LDLRAD4: variants seen among roughly 807,000 people sequenced by gnomAD.
LDLRAD4 encodes the protein low density lipoprotein receptor class A domain containing 4, also known as low-density lipoprotein receptor class A domain-containing protein 4.
LDLRAD4 carries 5 observed loss-of-function variants against 17.0 expected under a neutral mutation model. That is an observed-to-expected ratio of 0.29 (90% CI 0.15 to 0.62). The LOEUF is 0.62. Ranked by LOEUF, LDLRAD4 falls within the 20% of genes least tolerant of loss-of-function variation. The pLI is 0.84. For missense variants in LDLRAD4, 340 were observed against 424.7 expected (o/e 0.80, Z 1.75); for synonymous variants, 168 against 171.8 (o/e 0.98, Z 0.17).
chr18:13,330,065 C>T (rs1330047789), intron 1 of LDLRAD4, among the ~76,000 whole-genome samples: 1 of 152,060 alleles, frequency 6.6e-6, no homozygotes, highest in African/African-American at 2.4e-5. Flanking sequence ...ACGCCATTCT[C>T]CTGCCTCAGC....
intron 2 of LDLRAD4, among the ~76,000 whole-genome samples, chr18:13,418,805 C>G (rs185450010): frequency 9.0e-4 from 137 of 152,254 alleles, no homozygotes; most frequent in African/African-American, 3.1e-3. Context: ...AAGCATTGCT[C>G]CAGAGAATAG....
intron 3 of LDLRAD4, among the ~76,000 whole-genome samples, chr18:13,551,392 T>C (rs535325400): frequency 6.6e-6 from 1 of 152,310 alleles, no homozygotes; most frequent in South Asian, 2.1e-4. Context: ...ATTTGGCCCA[T>C]GCTTGTGGGC....
chr18:13,460,369 T>C (rs534014471), intron 3 of LDLRAD4, among the ~76,000 whole-genome samples: 5 of 152,278 alleles, frequency 3.3e-5, no homozygotes, highest in African/African-American at 1.2e-4. Flanking sequence ...ATTTTTGTGT[T>C]TTTTGTAGAG....
intron 2 of LDLRAD4, among the ~76,000 whole-genome samples, chr18:13,432,794 G>A (rs2090427417): frequency 6.6e-6 from 1 of 152,172 alleles, no homozygotes; most frequent in South Asian, 2.1e-4. Flanking sequence ...TCGGCTCACT[G>A]CAGCCTCAAA....
chr18:13,355,518 G>A (rs1301309085), intron 1 of LDLRAD4, among the ~76,000 whole-genome samples: 1 of 152,216 alleles, frequency 6.6e-6, no homozygotes, highest in Non-Finnish European at 1.5e-5. Flanking sequence ...AGTGTTTCCA[G>A]AAGGGCAAAT....
intron 1 of LDLRAD4, among the ~76,000 whole-genome samples, chr18:13,328,951 G>T (rs1158076944): frequency 6.6e-6 from 1 of 152,052 alleles, no homozygotes; most frequent in African/African-American, 2.4e-5. Flanking sequence ...TTTACACCTT[G>T]CTTTGTTTCA....
intron 1 of LDLRAD4, among the ~76,000 whole-genome samples, chr18:13,373,924 C>T (rs2084701002): frequency 6.6e-6 from 1 of 152,086 alleles, no homozygotes; most frequent in South Asian, 2.1e-4. Flanking sequence ...GACACGTGTA[C>T]AGTTCCATTC....
intron 3 of LDLRAD4, among the ~76,000 whole-genome samples, chr18:13,450,779 T>A (rs1260629421): frequency 6.6e-6 from 1 of 152,126 alleles, no homozygotes; most frequent in African/African-American, 2.4e-5. Context: ...GAGGCCACCA[T>A]CATGGGCTGG....
chr18:13,248,048 C>A (rs1028358268), intron 1 of LDLRAD4, among the ~76,000 whole-genome samples: 1 of 151,816 alleles, frequency 6.6e-6, no homozygotes, highest in Admixed American at 6.6e-5. Flanking sequence ...GCAACCTCCA[C>A]CTCCCAGGAT....
chr18:13,637,017 T>TGGG (rs1360044284), intron 4 of LDLRAD4, among the ~76,000 whole-genome samples: 3 of 152,116 alleles, frequency 2.0e-5, no homozygotes, highest in African/African-American at 7.2e-5. Context: ...AGACTGGTCT[T>TGGG]GAACTCCTGA....
intron 3 of LDLRAD4, among the ~76,000 whole-genome samples, chr18:13,479,646 G>GAAAAT (rs58658799): frequency 2.6e-5 from 4 of 151,754 alleles, no homozygotes; most frequent in Non-Finnish European, 5.9e-5. Flanking sequence ...GAAAAGAAAA[G>GAAAAT]AAAAGCCACA....
rs529318866 is a variant in LDLRAD4 at position 13,621,377 on chromosome 18, C to T, written c.336+106C>T. The T allele has an allele frequency of 6.8e-5, 55 of 804,346 alleles. No individual in the cohort carries two copies. In the East Asian group the frequency reaches 7.5e-4, roughly 11 times the overall value. The allele number at this position is 804,346 out of a possible 1,614,324, so 49.8% of individuals were successfully genotyped here. A position where few individuals can be genotyped will look rare whatever the true frequency, so the allele number is the denominator to read the frequency against. ...GTGCTTTCAGTTGACATGTAACAAACGGGGCGAAGCGCACCTCGTAAGTGT... is the reference window on the plus strand; with the variant it reads ...GTGCTTTCAGTTGACATGTAACAAATGGGGCGAAGCGCACCTCGTAAGTGT... On this transcript the variant is annotated intron_variant, in intron 4 of 5. Coordinates refer to ENST00000359446, the Ensembl canonical transcript of LDLRAD4. The surrounding 1 kb of genome is among the most constrained non-coding windows in gnomAD (Gnocchi z 5.5).
chr18:13,346,344 C>A lies in LDLRAD4; in HGVS notation c.-382-40997C>A, dbSNP rs375924074. On this transcript the variant is annotated intron_variant, in intron 1 of 5. Transcript: ENST00000359446. ...CCTTCATTTTGTTATGTACCCAGTA[C>A]ATTCAGGAGCAGGTTGTTCAGTTTC... is the stretch of plus-strand genomic sequence containing the variant. 3.2e-4 allele frequency among the ~76,000 whole-genome samples: 48 copies of A among 151,462 alleles called. No homozygotes were observed. In the East Asian group the frequency reaches 8.7e-3, roughly 28 times the overall value.
At chr18:13,351,146 G>A (rs772116236) in intron 1 of LDLRAD4, among the ~76,000 whole-genome samples, 7 of 152,116 alleles carry the variant, frequency 4.6e-5, no homozygotes, top group Admixed American at 6.5e-5. Context: ...ATTTAAAGTA[G>A]TTTTTTCTAA....
At chr18:13,478,208 G>T (rs898843382) in intron 3 of LDLRAD4, among the ~76,000 whole-genome samples, 1 of 152,142 alleles carries the variant, frequency 6.6e-6, no homozygotes, top group African/African-American at 2.4e-5. Context: ...ATCACCTGGG[G>T]CTTGTTGGAC....
In LDLRAD4 at chr18:13,609,182, G is replaced by A. The variant is rs115731085; in HGVS notation, c.182-11935G>A. Reference sequence around the variant, plus strand: ...TCCCTCTCCCATGCCCTTCTGCTATGTGTGCTGCCATTTTCTCTGAATGAA... The same window carrying A: ...TCCCTCTCCCATGCCCTTCTGCTATATGTGCTGCCATTTTCTCTGAATGAA... On this transcript the variant is annotated intron_variant, in intron 3 of 5. Transcript: ENST00000359446. Among the ~76,000 whole-genome samples, 1,138 of 152,290 alleles carry A rather than the reference G, an allele frequency of 7.5e-3. 15 individuals carry two copies. The highest frequency in any genetic ancestry group is 0.026 in the African/African-American group (1,093 of 41,534).
intron 3 of LDLRAD4, among the ~76,000 whole-genome samples, chr18:13,527,568 C>G (rs552969373): frequency 6.6e-6 from 1 of 152,206 alleles, no homozygotes; most frequent in African/African-American, 2.4e-5. Context: ...GTCCCTCACC[C>G]GCGGGCTTTC....
chr18:13,527,849 G>C (rs2094057811), intron 3 of LDLRAD4, among the ~76,000 whole-genome samples: 1 of 152,164 alleles, frequency 6.6e-6, no homozygotes, highest in Admixed American at 6.5e-5. Context: ...CAGGTCTGGG[G>C]CTGGAGACCC....
At chr18:13,598,423 G>T (rs1315501206) in intron 3 of LDLRAD4, among the ~76,000 whole-genome samples, 1 of 152,192 alleles carries the variant, frequency 6.6e-6, no homozygotes, top group Non-Finnish European at 1.5e-5. Context: ...CTGGCTAATT[G>T]CTTTATTGTT....
Sources: allele counts gnomAD v4.1 joint callset (sites outside exome capture counted in the v4.1 genomes callset), GRCh38; gene constraint gnomAD v4.1.1; non-coding constraint Gnocchi (gnomAD v3.1); transcripts MANE v1.5; gene names NCBI Gene and HGNC (gene_info 2026-07-23, HGNC 2026-07-21).